Variants in TMEM219 observed in about 807,000 individuals in gnomAD.
TMEM219 encodes insulin-like growth factor-binding protein 3 receptor.
TMEM219 carries 18 observed loss-of-function variants against 17.9 expected under a neutral mutation model. That is an observed-to-expected ratio of 1.01 (90% confidence interval 0.70 to 1.49). The LOEUF (loss-of-function observed/expected upper bound fraction) is 1.49. Among genes scored for constraint, TMEM219 ranks in the 40% most tolerant of loss-of-function variants. The pLI, the probability that TMEM219 is intolerant of heterozygous loss-of-function variation, is 0.00. For synonymous variants in TMEM219, 113 were observed against 124.0 expected (o/e 0.91, Z 0.59); for missense variants, 288 against 292.4 (o/e 0.99, Z 0.11).
intron 3 of TMEM219, among the ~76,000 whole-genome samples, chr16:29,967,361 C>G (rs2069224378): frequency 6.6e-6 from 1 of 152,146 alleles, no homozygotes; most frequent in Non-Finnish European, 1.5e-5. Context: ...GGAATCCCAA[C>G]ATTTTGGGAG....
chr16:29,964,544 C>T (rs533188393), intron 3 of TMEM219, among the ~76,000 whole-genome samples: 3 of 152,128 alleles, frequency 2.0e-5, no homozygotes, highest in African/African-American at 7.2e-5. Flanking sequence ...GCCTGTAGTC[C>T]CAGCTACTTG....
chr16:29,964,683 G>A (rs2069190588), intron 3 of TMEM219, among the ~76,000 whole-genome samples: 2 of 145,530 alleles, frequency 1.4e-5, no homozygotes, highest in South Asian at 2.2e-4. Flanking sequence ...ACCACCCTGC[G>A]CCAAAAAAAA....
At chr16:29,963,335 C>T in intron 2 of TMEM219, 27 bp downstream of exon 2, 3 of 1,614,066 alleles carry the variant, frequency 1.9e-6, no homozygotes, top group Non-Finnish European at 2.5e-6. Flanking sequence ...CGTACCCGCT[C>T]TTCCTTCCAA....
chr16:29,962,888 A>G (rs1425717770), intron 1 of TMEM219: 2 of 525,718 alleles, frequency 3.8e-6, no homozygotes, highest in Non-Finnish European at 6.9e-6. Flanking sequence ...CACGGAGTAC[A>G]CTGCTCTGCC....
Position 29,963,398 on chromosome 16 carries a change from A to G in TMEM219, c.166-2A>G, listed in dbSNP as rs757117531. 1.2e-6 allele frequency: 2 copies of G among 1,613,788 alleles called. No individual in the cohort carries two copies. Among genetic ancestry groups the G allele is most frequent in the African/African-American group, 2.7e-5 (2 of 74,900 alleles). On this transcript the variant is annotated splice_acceptor_variant, in intron 2 of 5. Coordinates refer to ENST00000279396, the MANE Select transcript of TMEM219 (RefSeq NM_001083613.2). LOFTEE classifies it high-confidence loss of function. ...ATCTCACCCGTCTTCTTTTGCTCAC[A>G]GGACTGGGTCTCTTTTTTGAGATCT...
intron 3 of TMEM219, among the ~76,000 whole-genome samples, chr16:29,965,745 C>T (rs1469841012): frequency 6.6e-6 from 1 of 151,736 alleles, no homozygotes; most frequent in Non-Finnish European, 1.5e-5. Flanking sequence ...CACCTAATTC[C>T]CGCCCCCCAG....
rs764939803 is a variant in TMEM219, at chr16:29,971,418, C to A, written c.596C>A (p.Ala199Asp). The change falls in exon 5 of 6, where the codon GCT (alanine) becomes GAT (aspartate). Residue 199 changes from alanine to aspartate, a missense_variant. Physicochemically the swap from Ala to Asp is moderately radical, Grantham distance 126. Coordinates refer to ENST00000279396, the MANE Select transcript of TMEM219 (RefSeq NM_001083613.2). ...TGTACCCCTCCCTAGGAGGAGCTGG[C>A]TCTGTGTGGCTCCAGGCTGCTGGTC... ...LTKLLTSEEL[A>D]LCGSRLLVLG... is the part of the protein sequence containing the mutation. 2 of 1,614,170 alleles carry A rather than the reference C, an allele frequency of 1.2e-6. No individual in the cohort carries two copies. The highest frequency in any genetic ancestry group is 1.1e-5 in the South Asian group (1 of 91,090).
At position 29,971,524 on chromosome 16, in the gene TMEM219, C is replaced by G. The variant is rs772784413; in HGVS notation, c.702C>G (p.His234Gln). ...AMCFHPRRES[H>Q]WSRTRL ...GCTTCCACCCGCGCCGGGAGTCCCA[C>G]TGGTCTAGAACCCGGCTCTGAGGGC... Residue 234 changes from histidine to glutamine, a missense_variant, in exon 5 of 6, where the codon CAC becomes CAG. Physicochemically the swap from His to Gln is conservative, Grantham distance 24. Transcript: ENST00000279396. 6 of 1,594,774 alleles carry G rather than the reference C, an allele frequency of 3.8e-6. No individual in the cohort carries two copies. In the African/African-American group the frequency reaches 8.1e-5, roughly 22 times the overall value.
At chr16:29,968,353 C>G (rs145410107) in intron 4 of TMEM219, 99 bp downstream of exon 4, 1 of 1,012,880 alleles carries the variant, frequency 9.9e-7, no homozygotes, top group Admixed American at 2.2e-5. Flanking sequence ...AGAAAAAGCA[C>G]AGGTTTTATA....
intron 4 of TMEM219, among the ~76,000 whole-genome samples, chr16:29,970,252 A>G (rs568717559): frequency 1.9e-3 from 294 of 152,096 alleles, no homozygotes; most frequent in Non-Finnish European, 3.7e-3. Flanking sequence ...AAAAAAAGAA[A>G]AGACCCCATG....
Position 29,963,526 on chromosome 16 carries a change from C to G in TMEM219, c.292C>G (p.Pro98Ala). The change falls in exon 3 of 6, where the codon CCA becomes GCA. Residue 98 changes from proline (P) to alanine (A), a missense_variant. By Grantham distance (27) the Pro-to-Ala change is conservative. Coordinates refer to ENST00000279396, the MANE Select transcript of TMEM219 (RefSeq NM_001083613.2). ...LLTTLNFGDG[P>A]DRNKTRTFQA... is the part of the protein sequence containing the mutation. ...GACCACCTTGAACTTCGGAGACGGTCCAGACAGGAACAAGACCCGGACATT... is the reference window on the plus strand; with the variant it reads ...GACCACCTTGAACTTCGGAGACGGTGCAGACAGGAACAAGACCCGGACATT... 6.2e-7 allele frequency: 1 copy of G among 1,614,062 alleles called. No homozygotes were observed. Among genetic ancestry groups the G allele is most frequent in the Non-Finnish European group, 8.5e-7 (1 of 1,180,014 alleles).
chr16:29,971,470 T>G lies in TMEM219; in HGVS notation c.648T>G (p.Cys216Trp). 6.2e-7 allele frequency: 1 copy of G among 1,614,168 alleles called. No homozygotes were observed. The highest frequency in any genetic ancestry group is 8.5e-7 in the Non-Finnish European group (1 of 1,180,036). ...LVLGSFLLLFCGLLCCVTAMC... is the reference protein window; with the variant it reads ...LVLGSFLLLFWGLLCCVTAMC... The stretch of plus-strand genomic sequence containing the variant: ...TGGGCTCCTTCCTGCTTCTCTTCTG[T>G]GGCCTTCTCTGCTGTGTCACTGCTA... Residue 216 changes from cysteine (C) to tryptophan (W), a missense_variant, in exon 5 of 6, where the codon TGT becomes TGG. Transcript: ENST00000279396.
At chr16:29,964,091 G>A (rs912340463) in intron 3 of TMEM219, among the ~76,000 whole-genome samples, 3 of 152,012 alleles carry the variant, frequency 2.0e-5, no homozygotes, top group Non-Finnish European at 4.4e-5. Flanking sequence ...TTGGGAGGCC[G>A]AGGCGGGCAG....
At position 29,971,525 on chromosome 16, in the gene TMEM219, TG is replaced by T; in HGVS notation, c.705del (p.Trp235CysfsTer34). 1 of 1,613,040 alleles carries T rather than the reference TG, an allele frequency of 6.2e-7. No individual in the cohort carries two copies. Among genetic ancestry groups the T allele is most frequent in the East Asian group, 2.2e-5 (1 of 44,790 alleles). ...CTTCCACCCGCGCCGGGAGTCCCACTGGTCTAGAACCCGGCTCTGAGGGCAC... is the reference window on the plus strand; with the variant it reads ...CTTCCACCCGCGCCGGGAGTCCCACTGTCTAGAACCCGGCTCTGAGGGCAC... ...MCFHPRRESH[W>X]SRTRL On this transcript the variant is annotated frameshift_variant, in exon 5 of 6. Transcript: ENST00000279396. LOFTEE classifies it high-confidence loss of function.
intron 1 of TMEM219, chr16:29,962,653 T>G (rs763010675): frequency 6.3e-6 from 1 of 159,016 alleles, no homozygotes; most frequent in African/African-American, 2.4e-5. Context: ...CCTTATTACT[T>G]GGTGTTCTCA....
chr16:29,971,313 G>A, intron 4 of TMEM219, 95 bp from the exon 5 acceptor site: 1 of 1,314,998 alleles, frequency 7.6e-7, no homozygotes, highest in Non-Finnish European at 1.1e-6. Context: ...TTGCTCCCTA[G>A]ATGTGGAGAG....
intron 3 of TMEM219, among the ~76,000 whole-genome samples, chr16:29,967,529 T>G (rs2069226329): frequency 6.6e-6 from 1 of 152,202 alleles, no homozygotes; most frequent in Non-Finnish European, 1.5e-5. Context: ...GAGGATCACT[T>G]GAGCCTAGGA....
At chr16:29,964,366 C>T (rs1166740515) in intron 3 of TMEM219, among the ~76,000 whole-genome samples, 1 of 151,876 alleles carries the variant, frequency 6.6e-6, no homozygotes, top group Non-Finnish European at 1.5e-5. Flanking sequence ...GCCTGTAGTT[C>T]CAGCTACTTG....
At chr16:29,968,333 T>A in intron 4 of TMEM219, 79 bp downstream of exon 4, 1 of 1,230,624 alleles carries the variant, frequency 8.1e-7, no homozygotes, top group Non-Finnish European at 1.2e-6. Flanking sequence ...TGGAAACAAT[T>A]CTACCTTGTA....
Sources: gnomAD v4.1 joint callset for allele counts (sites outside exome capture counted in the v4.1 genomes callset) on GRCh38, gnomAD v4.1.1 for gene constraint, MANE v1.5 for transcripts, NCBI Gene and HGNC (gene_info 2026-07-23, HGNC 2026-07-21) for gene names.